Variants in KCTD9 observed in about 807,000 individuals in gnomAD.
The protein encoded by KCTD9 is BTB/POZ domain-containing protein KCTD9.
KCTD9 carries 17 observed loss-of-function variants against 53.3 expected under a neutral mutation model. The ratio of observed to expected loss-of-function variants is 0.32; its 90% confidence interval spans 0.22 to 0.48. The LOEUF (loss-of-function observed/expected upper bound fraction) is 0.48, where lower values mean the gene tolerates loss of function less well. Among genes scored for constraint, KCTD9 ranks in the 20% least tolerant of loss-of-function variants. The pLI is 0.99. For missense variants in KCTD9, 179 were observed against 465.5 expected (o/e 0.38, Z 5.66); for synonymous variants, 128 against 162.7 (o/e 0.79, Z 1.62).
At chr8:25,457,424 G>A in intron 1 of KCTD9, 2 of 964,648 alleles carry the variant, frequency 2.1e-6, no homozygotes, top group Non-Finnish European at 2.5e-6. Flanking sequence ...AAAAGGCTGG[G>A]AAGGAAGAGA....
At chr8:25,453,031 T>C (rs1282823748) in intron 1 of KCTD9, among the ~76,000 whole-genome samples, 1 of 152,078 alleles carries the variant, frequency 6.6e-6, no homozygotes, top group African/African-American at 2.4e-5. Flanking sequence ...ATAATATCAA[T>C]TTGAGATACC....
chr8:25,438,753 G>A (rs543024724), intron 6 of KCTD9, among the ~76,000 whole-genome samples: 1 of 152,362 alleles, frequency 6.6e-6, no homozygotes, highest in South Asian at 2.1e-4. Context: ...AGGGTCAAGA[G>A]TGCTTTTAAC....
chr8:25,430,381 C>G (rs1412635249), intron 11 of KCTD9, among the ~76,000 whole-genome samples: 1 of 152,098 alleles, frequency 6.6e-6, no homozygotes. Flanking sequence ...CTGTATGGCT[C>G]AAGTTACAGC....
chr8:25,448,825 G>T (rs1383673066), intron 1 of KCTD9, among the ~76,000 whole-genome samples: 1 of 151,802 alleles, frequency 6.6e-6, no homozygotes, highest in Admixed American at 6.6e-5. Context: ...TGAGGCAGGA[G>T]AATTGCTTCA....
chr8:25,428,562 A>T lies in KCTD9; in HGVS notation c.*1295T>A, dbSNP rs1586418423. The T allele has an allele frequency of 6.6e-6, 1 of 152,528 alleles. No individual in the cohort carries two copies. The allele number at this position is 152,528 out of a possible 1,614,324, so 9.4% of individuals were successfully genotyped here. A position where few individuals can be genotyped will look rare whatever the true frequency, so the allele number is the denominator to read the frequency against. On this transcript the variant is annotated 3_prime_UTR_variant, in exon 12 of 12. Transcript: ENST00000221200. ...AATATCCCTGCTCTTGGGGTAGAAA[A>T]TAAGGACACCAAGTCATTGGTAGGG...
chr8:25,434,696 T>G (rs1362250570), intron 9 of KCTD9, among the ~76,000 whole-genome samples: 4 of 152,076 alleles, frequency 2.6e-5, no homozygotes, highest in Admixed American at 2.0e-4. Flanking sequence ...ATTAGAGTAA[T>G]TCAATAAATG....
intron 2 of KCTD9, 90 bp from the exon 3 acceptor site, chr8:25,444,425 T>C (rs1802178323): frequency 2.5e-6 from 3 of 1,219,064 alleles, no homozygotes; most frequent in South Asian, 1.4e-5. Context: ...CTTACAATTA[T>C]ATAGACAATA....
At chr8:25,432,673 A>C (rs1385358894) in intron 10 of KCTD9, 36 bp from the exon 11 acceptor site, 3 of 1,579,186 alleles carry the variant, frequency 1.9e-6, no homozygotes, top group Middle Eastern at 1.7e-4. Flanking sequence ...GTTTAACTTA[A>C]AAATATAGTT....
intron 1 of KCTD9, chr8:25,450,478 T>C: frequency 3.1e-6 from 3 of 979,038 alleles, no homozygotes; most frequent in Non-Finnish European, 3.6e-6. Flanking sequence ...TTAAGTCTCT[T>C]ACACTGTCAT....
chr8:25,445,924 C>T (rs980579785), intron 2 of KCTD9, among the ~76,000 whole-genome samples: 1 of 151,856 alleles, frequency 6.6e-6, no homozygotes, highest in Admixed American at 6.6e-5. Flanking sequence ...GAAAGACTAT[C>T]AGTATACTGA....
At chr8:25,441,723 C>T (rs972457810) in intron 3 of KCTD9, among the ~76,000 whole-genome samples, 4 of 152,082 alleles carry the variant, frequency 2.6e-5, no homozygotes, top group African/African-American at 7.2e-5. Context: ...AATGGTCAGA[C>T]GTGGTGGCTC....
At position 25,427,871 on chromosome 8, in the gene KCTD9, T is replaced by C. The variant is rs1801863561; in HGVS notation, c.*1986A>G. 6.6e-6 allele frequency: 1 copy of C among 151,726 alleles called. No homozygotes were observed. The highest frequency in any genetic ancestry group is 1.5e-5 in the Non-Finnish European group (1 of 67,864). 9.4% of individuals were successfully genotyped at this position (151,726 alleles called of 1,614,324 possible). A position where few individuals can be genotyped will look rare whatever the true frequency, so the allele number is the denominator to read the frequency against. ...GTTTAAAGAAATAAATTTACTTTAA[T>C]GGTACTTTCAAAAAGACTAATCCAT... is the stretch of plus-strand genomic sequence containing the variant. On this transcript the variant is annotated 3_prime_UTR_variant, in exon 12 of 12. Transcript: ENST00000221200.
intron 6 of KCTD9, among the ~76,000 whole-genome samples, chr8:25,437,069 C>T (rs999588359): frequency 1.3e-5 from 2 of 152,126 alleles, no homozygotes; most frequent in South Asian, 2.1e-4. Context: ...AAGAATAATA[C>T]AATCTTTTCT....
chr8:25,431,991 T>TA (rs1162307818), intron 11 of KCTD9, among the ~76,000 whole-genome samples: 2 of 152,226 alleles, frequency 1.3e-5, no homozygotes, highest in African/African-American at 4.8e-5. Context: ...ACAGCACAGA[T>TA]ATAGAACATG....
At chr8:25,451,126 G>A (rs577660904) in intron 1 of KCTD9, among the ~76,000 whole-genome samples, 10 of 151,992 alleles carry the variant, frequency 6.6e-5, no homozygotes, top group Non-Finnish European at 1.3e-4. Context: ...CTAATCATTC[G>A]CACATACTAA....
intron 2 of KCTD9, 139 bp downstream of exon 2, chr8:25,445,990 T>C (rs907744211): frequency 2.9e-5 from 32 of 1,088,160 alleles, no homozygotes; most frequent in Non-Finnish European, 3.8e-5. Context: ...ATGATTTAAA[T>C]TCCAAAGAGC....
chr8:25,433,523 A>G, intron 9 of KCTD9, 88 bp from the exon 10 acceptor site: 1 of 577,608 alleles, frequency 1.7e-6, no homozygotes, highest in Non-Finnish European at 2.9e-6. Context: ...AATAGAAAAG[A>G]GGGAAAGGCT....
chr8:25,454,447 A>C (rs961832162), intron 1 of KCTD9, among the ~76,000 whole-genome samples: 10 of 152,170 alleles, frequency 6.6e-5, no homozygotes, highest in African/African-American at 2.4e-4. Context: ...TGTGTTCAAG[A>C]CGTATAGAAA....
chr8:25,433,533 T>A, intron 9 of KCTD9, 98 bp from the exon 10 acceptor site: 2 of 517,606 alleles, frequency 3.9e-6, no homozygotes, highest in Non-Finnish European at 6.8e-6. Flanking sequence ...AGGGAAAGGC[T>A]CAACTCAAAA....
Sources: allele counts gnomAD v4.1 joint callset (sites outside exome capture counted in the v4.1 genomes callset), GRCh38; gene constraint gnomAD v4.1.1; transcripts MANE v1.5; gene names NCBI Gene and HGNC (gene_info 2026-07-23, HGNC 2026-07-21).